Variants in LAMB1 observed in about 807,000 individuals in gnomAD.
The protein encoded by LAMB1 is laminin subunit beta 1.
A neutral mutation model predicts 222.3 loss-of-function variants in LAMB1; 121 were observed. That is an observed-to-expected ratio of 0.54 (90% CI 0.47 to 0.63). The LOEUF (loss-of-function observed/expected upper bound fraction) is 0.63, where lower values mean the gene tolerates loss of function less well. Ranked by LOEUF, LAMB1 falls within the 30% of genes least tolerant of loss-of-function variation. LAMB1 has a pLI of 0.00. For missense variants in LAMB1, 2,172 were observed against 2,240.8 expected, an observed-to-expected ratio of 0.97 and a Z score of 0.62; for synonymous variants, 794 against 807.2, an observed-to-expected ratio of 0.98 and a Z score of 0.28.
At position 107,986,347 on chromosome 7, in the gene LAMB1, G is replaced by C; in HGVS notation, c.440C>G (p.Ala147Gly). Residue 147 changes from alanine to glycine, a missense_variant, in exon 6 of 34, where the codon GCT (alanine) becomes GGT (glycine). Coordinates refer to ENST00000222399, the MANE Select transcript of LAMB1 (RefSeq NM_002291.3). ...GTCGGACGATCGTTCTATCAGCATA[G>C]CAGCTGGACGGAATGTCTAAAGGCA... ...IMTFKTFRPA[A>G]MLIERSSDFG... 2 of 1,594,442 alleles carry C rather than the reference G, an allele frequency of 1.3e-6. No homozygotes were observed. The highest frequency in any genetic ancestry group is 1.7e-6 in the Non-Finnish European group (2 of 1,166,254).
At chr7:107,990,262 C>T (rs1243808839) in intron 5 of LAMB1, among the ~76,000 whole-genome samples, 1 of 152,106 alleles carries the variant, frequency 6.6e-6, no homozygotes, top group African/African-American at 2.4e-5. Flanking sequence ...TGGTCTTGAA[C>T]TCCTGAAGCT....
intron 14 of LAMB1, among the ~76,000 whole-genome samples, chr7:107,964,316 A>C (rs1287773822): frequency 1.3e-5 from 2 of 152,220 alleles, no homozygotes; most frequent in African/African-American, 2.4e-5. Context: ...GTAAAGACAC[A>C]TTTCTTAAAC....
chr7:107,980,068 C>T (rs1412429140), intron 8 of LAMB1, among the ~76,000 whole-genome samples: 1 of 152,036 alleles, frequency 6.6e-6, no homozygotes, highest in African/African-American at 2.4e-5. Flanking sequence ...ATTAGCCAGA[C>T]ATGGTGGTGT....
chr7:107,988,762 G>T (rs1052120697), intron 5 of LAMB1, among the ~76,000 whole-genome samples: 1 of 152,174 alleles, frequency 6.6e-6, no homozygotes, highest in Non-Finnish European at 1.5e-5. Context: ...ACACACACAT[G>T]CACAGAGGGA....
At chr7:107,955,773 C>T (rs1387967640) in intron 20 of LAMB1, 143 bp from the exon 21 acceptor site, 1 of 749,804 alleles carries the variant, frequency 1.3e-6, no homozygotes, top group Admixed American at 3.5e-5. Flanking sequence ...TGCTCTGTCA[C>T]CCAGGCTGGA....
chr7:107,933,627 CT>C (rs2032765358), intron 27 of LAMB1, among the ~76,000 whole-genome samples: 2 of 151,540 alleles, frequency 1.3e-5, no homozygotes, highest in Admixed American at 1.3e-4. Flanking sequence ...CAGTATGGCT[CT>C]AGCTAAACAT....
intron 7 of LAMB1, among the ~76,000 whole-genome samples, chr7:107,985,758 G>T (rs1227410993): frequency 6.6e-6 from 1 of 152,044 alleles, no homozygotes; most frequent in Non-Finnish European, 1.5e-5. Context: ...GGGAGTTCAA[G>T]ACTAGCCTGA....
chr7:107,992,986 T>C (rs1043161792), intron 5 of LAMB1, among the ~76,000 whole-genome samples: 12 of 152,222 alleles, frequency 7.9e-5, no homozygotes, highest in African/African-American at 2.9e-4. Context: ...CATTTACCAA[T>C]GAGGAAGTCA....
intron 31 of LAMB1, 145 bp downstream of exon 31, chr7:107,928,919 C>T: frequency 1.3e-6 from 1 of 778,332 alleles, no homozygotes; most frequent in Non-Finnish European, 2.1e-6. Flanking sequence ...TTTTAGCATC[C>T]ATGCTAACGG....
chr7:107,961,256 A>G lies in LAMB1; in HGVS notation c.2059T>C (p.Tyr687His). The change falls in exon 17 of 34, where the codon TAC becomes CAC. Residue 687 changes from tyrosine to histidine, a missense_variant. Physicochemically the swap from Tyr to His is moderately conservative, Grantham distance 83. Transcript: ENST00000222399. Reference sequence around the variant, plus strand: ...TCCACGTCGCTATCAGAGGAGGTGTACTGAGGCAGCTCCAACCTCACCGTG... The same window carrying G: ...TCCACGTCGCTATCAGAGGAGGTGTGCTGAGGCAGCTCCAACCTCACCGTG... ...NYTVRLELPQYTSSDSDVESP... is the reference protein window; with the variant it reads ...NYTVRLELPQHTSSDSDVESP... 6.2e-7 allele frequency: 1 copy of G among 1,614,056 alleles called. No homozygotes were observed. The highest frequency in any genetic ancestry group is 1.3e-5 in the African/African-American group (1 of 75,010).
intron 3 of LAMB1, 122 bp downstream of exon 3, chr7:108,001,436 C>T (rs1186661912): frequency 1.8e-6 from 2 of 1,130,232 alleles, no homozygotes; most frequent in South Asian, 1.7e-5. Flanking sequence ...TCCCGGGACT[C>T]CCCGGCTGGC....
chr7:107,945,136 C>T (rs920449179), intron 24 of LAMB1, among the ~76,000 whole-genome samples: 6 of 152,176 alleles, frequency 3.9e-5, no homozygotes, highest in African/African-American at 1.2e-4. Context: ...ATTTGACTTT[C>T]ATCTGTAAAC....
At chr7:107,958,606 T>C (rs554131841) in intron 20 of LAMB1, among the ~76,000 whole-genome samples, 1 of 152,372 alleles carries the variant, frequency 6.6e-6, no homozygotes, top group East Asian at 1.9e-4. Context: ...CAGTACTGTC[T>C]GCATTTCTTA....
At chr7:107,989,004 G>A (rs147032416) in intron 5 of LAMB1, among the ~76,000 whole-genome samples, 58 of 152,278 alleles carry the variant, frequency 3.8e-4, no homozygotes, top group African/African-American at 1.3e-3. Context: ...ATTGAGGCTC[G>A]GAGACACTGA....
chr7:107,981,147 A>T (rs958993606), intron 7 of LAMB1, among the ~76,000 whole-genome samples: 2 of 151,952 alleles, frequency 1.3e-5, no homozygotes, highest in Non-Finnish European at 1.5e-5. Context: ...CCCCATCTCT[A>T]AAAAAATACA....
intron 27 of LAMB1, 41 bp downstream of exon 27, chr7:107,935,359 TTTTTTTTTTTTTTTG>T: frequency 1.1e-5 from 5 of 472,656 alleles, no homozygotes; most frequent in Admixed American, 8.2e-5. Flanking sequence ...TTTTTTTTTT[TTTTTTTTTTTTTTTG>T]CTTGGCACCA....
At chr7:107,969,274 C>T (rs1478663806) in intron 13 of LAMB1, among the ~76,000 whole-genome samples, 9 of 134,832 alleles carry the variant, frequency 6.7e-5, no homozygotes, top group East Asian at 4.2e-4. Flanking sequence ...GGCGACAGAG[C>T]GAGACTCCGT....
rs1330518146 is a variant in LAMB1 at position 107,953,553 on chromosome 7, T to A, written c.3056A>T (p.Asp1019Val). 6.2e-7 allele frequency: 1 copy of A among 1,613,934 alleles called. No homozygotes were observed. Among genetic ancestry groups the A allele is most frequent in the Non-Finnish European group, 8.5e-7 (1 of 1,179,932 alleles). The change falls in exon 22 of 34, where the codon GAT becomes GTT. Residue 1019 changes from aspartate (D) to valine (V), a missense_variant. By Grantham distance (152) the Asp-to-Val change is radical. Coordinates refer to ENST00000222399, the MANE Select transcript of LAMB1 (RefSeq NM_002291.3). ...ACTTCGACAGTCCTGCTGGAGGGCA[T>A]CACCATAGTATCCAAACCGGCAGAA... The part of the protein sequence containing the change: ...CQFCRFGYYG[D>V]ALQQDCRKCV...
rs1318605660 is a variant in LAMB1, at chr7:107,961,545, T to C, written c.1985+4A>G. 1.9e-6 allele frequency: 3 copies of C among 1,611,716 alleles called. No individual in the cohort carries two copies. Among genetic ancestry groups the C allele is most frequent in the Non-Finnish European group, 2.5e-6 (3 of 1,177,998 alleles). On this transcript the variant is annotated splice_donor_region_variant and intron_variant, in intron 16 of 33. Transcript: ENST00000222399. ...TTGAGCTGCCAAACCACCGTCACAC[T>C]GACCTTGAGCCTGGTGATAATGACA...
Sources: allele counts gnomAD v4.1 joint callset (sites outside exome capture counted in the v4.1 genomes callset), GRCh38; gene constraint gnomAD v4.1.1; transcripts MANE v1.5; gene names NCBI Gene and HGNC (gene_info 2026-07-23, HGNC 2026-07-21).